GNAL: variants seen among roughly 807,000 people sequenced by gnomAD.
The protein encoded by GNAL is guanine nucleotide-binding protein G(olf) subunit alpha.
A neutral mutation model predicts 55.1 loss-of-function variants in GNAL; 18 were observed. The observed-to-expected ratio is 0.33, with a 90% CI of 0.23 to 0.48. The LOEUF is 0.48. Ranked by LOEUF, GNAL falls within the 20% of genes least tolerant of loss-of-function variation. The pLI is 0.99. For synonymous variants in GNAL, 253 were observed against 237.0 expected (o/e 1.07, Z -0.62); for missense variants, 412 against 614.1 (o/e 0.67, Z 3.48).
chr18:11,755,870 T>C (rs1298871924), intron 4 of GNAL, among the ~76,000 whole-genome samples: 1 of 152,182 alleles, frequency 6.6e-6, no homozygotes, highest in Non-Finnish European at 1.5e-5. Flanking sequence ...TCACTGATGC[T>C]ATGTACACTG....
chr18:11,854,190 G>A (rs954616419), intron 5 of GNAL: 1 of 166,822 alleles, frequency 6.0e-6, no homozygotes, highest in African/African-American at 2.4e-5. Flanking sequence ...TGAACCCTTT[G>A]GTAAACTAAA....
chr18:11,785,435 G>A (rs1425901160), intron 4 of GNAL, among the ~76,000 whole-genome samples: 1 of 152,140 alleles, frequency 6.6e-6, no homozygotes, highest in Non-Finnish European at 1.5e-5. Context: ...CAGAAATCTG[G>A]AACAAGGAGA....
chr18:11,847,281 A>G (rs1447639478), intron 5 of GNAL, among the ~76,000 whole-genome samples: 1 of 152,176 alleles, frequency 6.6e-6, no homozygotes, highest in Admixed American at 6.5e-5. Flanking sequence ...AACTGTGATA[A>G]GTAGGAGGAG....
At chr18:11,838,983 A>T (rs555475282) in intron 5 of GNAL, among the ~76,000 whole-genome samples, 33 of 152,210 alleles carry the variant, frequency 2.2e-4, no homozygotes, top group Non-Finnish European at 4.7e-4. Flanking sequence ...AGTAACATAT[A>T]AATATGAGAT....
intron 4 of GNAL, among the ~76,000 whole-genome samples, chr18:11,817,258 G>A (rs2034980139): frequency 6.6e-6 from 1 of 152,228 alleles, no homozygotes; most frequent in Non-Finnish European, 1.5e-5. Flanking sequence ...ATTGAGCAGA[G>A]AACAGGGAAG....
intron 4 of GNAL, among the ~76,000 whole-genome samples, chr18:11,804,119 T>A (rs1173539660): frequency 6.7e-6 from 1 of 150,210 alleles, no homozygotes; most frequent in African/African-American, 2.5e-5. Context: ...AACACGGAGA[T>A]ACTGTGTAGT....
intron 1 of GNAL, among the ~76,000 whole-genome samples, chr18:11,693,967 C>G (rs9967590): frequency 8.6e-5 from 13 of 151,588 alleles, no homozygotes; most frequent in African/African-American, 2.9e-4. Context: ...ATCTTCCTGC[C>G]TCAGCCCCAC....
intron 4 of GNAL, among the ~76,000 whole-genome samples, chr18:11,819,252 A>T (rs192612102): frequency 7.2e-4 from 110 of 152,326 alleles, no homozygotes; most frequent in Middle Eastern, 3.4e-3. Context: ...AAAAGCAAAA[A>T]ACTTTCTTTT....
At chr18:11,732,324 ATC>A (rs1485431730) in intron 1 of GNAL, among the ~76,000 whole-genome samples, 1 of 152,190 alleles carries the variant, frequency 6.6e-6, no homozygotes, top group East Asian at 1.9e-4. Flanking sequence ...ATTTTTCCAC[ATC>A]TCACCGACAC....
chr18:11,710,901 A>G (rs1334945857), intron 1 of GNAL, among the ~76,000 whole-genome samples: 1 of 151,434 alleles, frequency 6.6e-6, no homozygotes, highest in African/African-American at 2.5e-5. Flanking sequence ...TTTGAGATGG[A>G]GTCTCGCTCT....
chr18:11,839,751 T>C (rs2035573978), intron 5 of GNAL, among the ~76,000 whole-genome samples: 1 of 152,168 alleles, frequency 6.6e-6, no homozygotes, highest in Admixed American at 6.5e-5. Flanking sequence ...GGAGCTGAAC[T>C]GTGCTACAGC....
intron 1 of GNAL, among the ~76,000 whole-genome samples, chr18:11,694,600 G>A (rs936798784): frequency 6.6e-6 from 1 of 152,238 alleles, no homozygotes; most frequent in Non-Finnish European, 1.5e-5. Flanking sequence ...AACTAGGGCA[G>A]TGTGGTATAG....
chr18:11,700,237 A>C (rs73944238), intron 1 of GNAL, among the ~76,000 whole-genome samples: 1,820 of 152,350 alleles, frequency 0.012, 36 homozygotes, highest in African/African-American at 0.042. Context: ...AGCAGGAAAG[A>C]TAGCGGCCCA....
In GNAL at chr18:11,868,538, C is replaced by T. The variant is rs1567902010; in HGVS notation, c.911-5C>T. On this transcript the variant is annotated splice_region_variant and splice_polypyrimidine_tract_variant and intron_variant, in intron 8 of 11. Coordinates refer to ENST00000334049, the MANE Select transcript of GNAL (RefSeq NM_182978.4). The surrounding 1 kb of genome is among the most constrained non-coding windows in gnomAD (Gnocchi z 4.0). The stretch of plus-strand genomic sequence containing the variant: ...TGAGGTGCTTTCCTTTTTCTCCCCA[C>T]CAAGATGTCACAGCTATCATTTACG... 2.5e-6 allele frequency: 4 copies of T among 1,607,186 alleles called. No individual in the cohort carries two copies. The highest frequency in any genetic ancestry group is 2.5e-6 in the Non-Finnish European group (3 of 1,177,536).
chr18:11,851,420 A>G (rs1231836821), intron 5 of GNAL: 2 of 1,409,132 alleles, frequency 1.4e-6, no homozygotes, highest in African/African-American at 1.4e-5. Flanking sequence ...GACCAAAACA[A>G]AGGAGCGGCG....
Position 11,884,974 on chromosome 18 carries a change from A to G in GNAL, c.*3839A>G. The G allele has an allele frequency of 1.5e-6, 2 of 1,303,360 alleles. No individual in the cohort carries two copies. The highest frequency in any genetic ancestry group is 2.0e-6 in the Non-Finnish European group (2 of 1,000,896). The allele number at this position is 1,303,360 out of a possible 1,614,324, so 80.7% of individuals were successfully genotyped here. A position where few individuals can be genotyped will look rare whatever the true frequency, so the allele number is the denominator to read the frequency against. The stretch of plus-strand genomic sequence containing the variant: ...AGAGGCACCGTGGAGTTCCAGGGTC[A>G]TCGGTCAGCGAGGAACAAGGAGGGA... On this transcript the variant is annotated 3_prime_UTR_variant, in exon 12 of 12. Transcript: ENST00000334049.
chr18:11,689,961 G>T, intron 1 of GNAL, 22 bp downstream of exon 1: 1 of 1,252,484 alleles, frequency 8.0e-7, no homozygotes, highest in Non-Finnish European at 1.0e-6. Flanking sequence ...CCGCGAGGTC[G>T]GCTGACGCCC....
At chr18:11,872,622 TGCA>T (rs949048005) in intron 10 of GNAL, among the ~76,000 whole-genome samples, 4 of 152,178 alleles carry the variant, frequency 2.6e-5, no homozygotes, top group African/African-American at 9.7e-5. Context: ...ATTGAAACCG[TGCA>T]GCAGAAGAAA....
chr18:11,753,461 C>A (rs982979419), intron 2 of GNAL, 167 bp from the exon 3 acceptor site: 1 of 562,304 alleles, frequency 1.8e-6, no homozygotes, highest in Non-Finnish European at 3.2e-6. Flanking sequence ...AAGAAGGGTG[C>A]TTTCCTTTCC....
Sources: gnomAD v4.1 joint callset for allele counts (sites outside exome capture counted in the v4.1 genomes callset) on GRCh38, gnomAD v4.1.1 for gene constraint, Gnocchi (gnomAD v3.1) non-coding constraint, MANE v1.5 for transcripts, NCBI Gene and HGNC (gene_info 2026-07-23, HGNC 2026-07-21) for gene names.